Variants in STK33 observed in about 807,000 individuals in gnomAD.
STK33 encodes the protein serine/threonine-protein kinase 33.
A neutral mutation model predicts 58.0 loss-of-function variants in STK33; 52 were observed. That is an observed-to-expected ratio of 0.90 (90% CI 0.72 to 1.13). STK33 has a LOEUF of 1.13. Among genes scored for constraint, STK33 ranks in the 50% most tolerant of loss-of-function variants. The pLI, the probability that STK33 is intolerant of heterozygous loss-of-function variation, is 0.00. For missense variants in STK33, 630 were observed against 604.2 expected (o/e 1.04, Z -0.45); for synonymous variants, 215 against 200.1 (o/e 1.07, Z -0.63).
At chr11:8,571,132 A>G (rs1489908820) in intron 1 of STK33, among the ~76,000 whole-genome samples, 1 of 152,168 alleles carries the variant, frequency 6.6e-6, no homozygotes, top group Non-Finnish European at 1.5e-5. Context: ...CAAATTCCCC[A>G]AAAGCCCAGC....
At chr11:8,510,914 T>C (rs931704530) in intron 1 of STK33, among the ~76,000 whole-genome samples, 5 of 151,774 alleles carry the variant, frequency 3.3e-5, no homozygotes, top group Non-Finnish European at 5.9e-5. Context: ...AGCCTTGCAG[T>C]ATATAATGTG....
intron 1 of STK33, among the ~76,000 whole-genome samples, chr11:8,574,646 G>C (rs1958052200): frequency 6.6e-6 from 1 of 151,930 alleles, no homozygotes; most frequent in East Asian, 1.9e-4. Context: ...ACCAAACAAA[G>C]ACACTGCAAG....
chr11:8,357,486 T>C, the STK33 span, among the ~76,000 whole-genome samples: 1 of 152,254 alleles, frequency 6.6e-6, no homozygotes, highest in South Asian at 2.1e-4. Context: ...ACTATTAATA[T>C]ACATGTCTGT....
chr11:8,523,429 C>T (rs1444354575), intron 1 of STK33, among the ~76,000 whole-genome samples: 2 of 151,906 alleles, frequency 1.3e-5, no homozygotes, highest in East Asian at 3.9e-4. Context: ...AGGTGAGGAG[C>T]GTCTCTGCCC....
At chr11:8,484,127 A>C (rs1411983625) in intron 1 of STK33, among the ~76,000 whole-genome samples, 1 of 152,212 alleles carries the variant, frequency 6.6e-6, no homozygotes, top group Non-Finnish European at 1.5e-5. Context: ...AAAGAACCCA[A>C]GCTTTACTGT....
chr11:8,418,486 A>AT (rs2135793583), intron 14 of STK33, among the ~76,000 whole-genome samples: 1 of 152,268 alleles, frequency 6.6e-6, no homozygotes, highest in African/African-American at 2.4e-5. Flanking sequence ...CCAATCTGTC[A>AT]TTTATAGGCA....
At chr11:8,471,541 T>G (rs1039491275) in intron 6 of STK33, among the ~76,000 whole-genome samples, 2 of 152,152 alleles carry the variant, frequency 1.3e-5, no homozygotes, top group African/African-American at 4.8e-5. Flanking sequence ...AATGTTCATC[T>G]AAATATTAAT....
chr11:8,409,413 A>T (rs1470957192), intron 15 of STK33, among the ~76,000 whole-genome samples: 1 of 152,166 alleles, frequency 6.6e-6, no homozygotes, highest in Non-Finnish European at 1.5e-5. Context: ...CACCCTTTTA[A>T]CGTTCCATCA....
At chr11:8,563,476 G>T (rs1957247849) in intron 1 of STK33, among the ~76,000 whole-genome samples, 1 of 152,122 alleles carries the variant, frequency 6.6e-6, no homozygotes, top group South Asian at 2.1e-4. Context: ...AAGTCTGTAG[G>T]TATATGAATG....
At chr11:8,392,758 A>G (rs1848751013) in intron 15 of STK33, 48 bp from the exon 16 acceptor site, 1 of 1,591,146 alleles carries the variant, frequency 6.3e-7, no homozygotes, top group Admixed American at 1.7e-5. Context: ...AGCAATGCAC[A>G]TCAATTCAAA....
chr11:8,546,099 A>G (rs981748789), intron 1 of STK33, among the ~76,000 whole-genome samples: 1 of 152,216 alleles, frequency 6.6e-6, no homozygotes, highest in Non-Finnish European at 1.5e-5. Context: ...TAAATGATAC[A>G]CCTGTATAGG....
the STK33 span, among the ~76,000 whole-genome samples, chr11:8,358,149 C>A: frequency 0.25 from 38,565 of 152,116 alleles, 5,986 homozygotes; most frequent in East Asian, 0.43. Flanking sequence ...CCTGCACTTC[C>A]CCTACAAATC....
At chr11:8,522,844 C>T (rs1029104840) in intron 1 of STK33, among the ~76,000 whole-genome samples, 1 of 152,162 alleles carries the variant, frequency 6.6e-6, no homozygotes, top group Non-Finnish European at 1.5e-5. Context: ...GATGCCCAGC[C>T]GAGGCTGGAC....
the STK33 span, among the ~76,000 whole-genome samples, chr11:8,338,550 T>C: frequency 7.9e-5 from 12 of 151,978 alleles, no homozygotes; most frequent in Non-Finnish European, 1.2e-4. Context: ...TCCCAGAGGG[T>C]GGAACCACCT....
chr11:8,593,832 C>CA (rs1376519763), intron 1 of STK33: 5 of 152,508 alleles, frequency 3.3e-5, no homozygotes, highest in Middle Eastern at 6.8e-3. Context: ...CCGGGGCAGA[C>CA]AGAGACCACC....
intron 1 of STK33, among the ~76,000 whole-genome samples, chr11:8,487,145 C>T (rs1339699862): frequency 6.6e-6 from 1 of 151,968 alleles, no homozygotes; most frequent in Non-Finnish European, 1.5e-5. Context: ...TCACAGAGGC[C>T]GGGCACAGTG....
At position 8,535,142 on chromosome 11, in the gene STK33, G is replaced by T. The variant is rs867839827; in HGVS notation, c.-465-54528C>A. Among the ~76,000 whole-genome samples the T allele has an allele frequency of 2.6e-5, 4 of 152,252 alleles. No individual in the cohort carries two copies. The South Asian group carries it at 8.3e-4, about 32-fold the overall frequency. ...GCTTGGGTATGAACGTGTCACCACA[G>T]TGTCTGGTACTGTCTTCCGATTTTT... On this transcript the variant is annotated intron_variant, in intron 1 of 15. Transcript: ENST00000687296.
Position 8,585,187 on chromosome 11 carries a change from T to C in STK33, c.-466+8896A>G, listed in dbSNP as rs563619516. Among the ~76,000 whole-genome samples the C allele has an allele frequency of 2.0e-5, 3 of 148,770 alleles. No homozygotes were observed. In the South Asian group the frequency reaches 6.4e-4, roughly 32 times the overall value. On this transcript the variant is annotated intron_variant, in intron 1 of 15. Coordinates refer to ENST00000687296, the MANE Select transcript of STK33 (RefSeq NM_001352389.2). ...ATCCACCTGCCGTGGCCTTCCAAAA[T>C]GCTGGGATTACAGGTGTGAGCCACT...
chr11:8,423,935 C>T (rs973500848), intron 14 of STK33, among the ~76,000 whole-genome samples: 1 of 151,586 alleles, frequency 6.6e-6, no homozygotes, highest in African/African-American at 2.4e-5. Context: ...ATCTTTAATC[C>T]TTATAAAGTG....
Sources: allele counts gnomAD v4.1 joint callset (sites outside exome capture counted in the v4.1 genomes callset), GRCh38; gene constraint gnomAD v4.1.1; transcripts MANE v1.5; gene names NCBI Gene and HGNC (gene_info 2026-07-23, HGNC 2026-07-21).